RAET1G: variants seen among roughly 807,000 people sequenced by gnomAD.
RAET1G encodes the protein retinoic acid early transcript 1G.
In RAET1G, 25 loss-of-function variants were observed where a neutral mutation model predicts 29.5. The ratio of observed to expected loss-of-function variants is 0.85; its 90% CI spans 0.62 to 1.18. The LOEUF (loss-of-function observed/expected upper bound fraction) is 1.18. Among genes scored for constraint, RAET1G ranks in the 50% most tolerant of loss-of-function variants. The pLI is 0.00. For missense variants in RAET1G, 434 were observed against 423.6 expected, an observed-to-expected ratio of 1.02 and a Z score of -0.22; for synonymous variants, 167 against 159.5, an observed-to-expected ratio of 1.05 and a Z score of -0.36.
chr6:149,918,384 G>A lies in RAET1G; in HGVS notation c.632C>T (p.Ala211Val). ...MDSTLEPSAG[A>V]PPTMSSGTAQ... ...TGTGCCTGAGGACATGGTGGGTGGT[G>A]CTGAAATGGAAGCACAAGAGTGACA... The change falls in exon 4 of 5, where the codon GCA becomes GTA. Residue 211 changes from alanine (A) to valine (V), a missense_variant and splice_region_variant. By Grantham distance (64) the Ala-to-Val change is moderately conservative (BLOSUM62 0). Transcript: ENST00000367360. 6.2e-7 allele frequency: 1 copy of A among 1,614,052 alleles called. No homozygotes were observed. The highest frequency in any genetic ancestry group is 1.3e-5 in the African/African-American group (1 of 75,044).
chr6:149,919,520 G>T (rs1562479626), intron 2 of RAET1G, 33 bp downstream of exon 2: 7 of 1,613,950 alleles, frequency 4.3e-6, no homozygotes, highest in East Asian at 4.5e-5. Context: ...CACTGTATCT[G>T]CTCCCTGCTG....
At chr6:149,920,319 CTA>C (rs1778570141) in intron 1 of RAET1G, among the ~76,000 whole-genome samples, 1 of 152,172 alleles carries the variant, frequency 6.6e-6, no homozygotes, top group Non-Finnish European at 1.5e-5. Flanking sequence ...TGGTGCTCAT[CTA>C]CTATGAGGAT....
At chr6:149,919,840 G>C (rs769017392) in intron 1 of RAET1G, 24 bp from the exon 2 acceptor site, 1 of 1,612,074 alleles carries the variant, frequency 6.2e-7, no homozygotes, top group Admixed American at 1.7e-5. Flanking sequence ...CAGGTGAGGG[G>C]TGGGTGGGGA....
Position 149,916,933 on chromosome 6 carries a change from T to A in RAET1G, c.984A>T (p.Pro328=). 2.6e-6 allele frequency: 4 copies of A among 1,544,466 alleles called. No homozygotes were observed. The highest frequency in any genetic ancestry group is 3.5e-6 in the Non-Finnish European group (4 of 1,143,470). ...INNGAARYSE[P]LQVSIS ...ACCATCAAGATATGGAGACCTGTAG[T>A]GGCTCCGAATACCTGGCTGCGCCGT... The change falls in exon 5 of 5, where the codon CCA becomes CCT. Residue 328 remains proline (P), a synonymous_variant. Coordinates refer to ENST00000367360, the MANE Select transcript of RAET1G (RefSeq NM_001001788.4).
In RAET1G at chr6:149,916,929, G is replaced by C. The variant is rs1295924126; in HGVS notation, c.988C>G (p.Gln330Glu). Residue 330 changes from glutamine to glutamate, a missense_variant, in exon 5 of 5, where the codon CAG (glutamine) becomes GAG (glutamate). Coordinates refer to ENST00000367360, the MANE Select transcript of RAET1G (RefSeq NM_001001788.4). ...GGGAACCATCAAGATATGGAGACCT[G>C]TAGTGGCTCCGAATACCTGGCTGCG... ...NGAARYSEPL[Q>E]VSIS 5.2e-6 allele frequency: 8 copies of C among 1,544,520 alleles called. No individual in the cohort carries two copies. Among genetic ancestry groups the C allele is most frequent in the Non-Finnish European group, 6.1e-6 (7 of 1,143,536 alleles).
chr6:149,917,234 G>C (rs1003085710), intron 4 of RAET1G, among the ~76,000 whole-genome samples, 160 bp from the exon 5 acceptor site: 8 of 152,270 alleles, frequency 5.3e-5, no homozygotes, highest in African/African-American at 1.7e-4. Context: ...CTGAAGCACA[G>C]CATCACAGGG....
intron 1 of RAET1G, among the ~76,000 whole-genome samples, chr6:149,922,306 C>G (rs1051165052): frequency 6.6e-6 from 1 of 152,062 alleles, no homozygotes; most frequent in Admixed American, 6.5e-5. Flanking sequence ...ATGGGGAGAC[C>G]TCTGGGGTGA....
In RAET1G at chr6:149,918,366, G is replaced by A. The variant is rs779233402; in HGVS notation, c.650C>T (p.Ser217Leu). ...CGTGGCCCTGGGTTGGGCTGTGCCT[G>A]AGGACATGGTGGGTGGTGCTGAAAT... ...PSAGAPPTMS[S>L]GTAQPRATAT... Residue 217 changes from serine to leucine, a missense_variant, in exon 4 of 5, where the codon TCA becomes TTA. Ser to Leu is a moderately radical substitution (Grantham distance 145). Transcript: ENST00000367360. 2 of 1,614,042 alleles carry A rather than the reference G, an allele frequency of 1.2e-6. No homozygotes were observed. Among genetic ancestry groups the A allele is most frequent in the Non-Finnish European group, 1.7e-6 (2 of 1,179,998 alleles).
intron 1 of RAET1G, among the ~76,000 whole-genome samples, chr6:149,920,326 G>GGTTTC (rs1778570752): frequency 6.6e-6 from 1 of 152,198 alleles, no homozygotes; most frequent in Non-Finnish European, 1.5e-5. Context: ...CATCTACTAT[G>GGTTTC]AGGATGCCTT....
chr6:149,919,068 G>A lies in RAET1G; in HGVS notation c.606C>T (p.Asp202=). ...GWLEDFLMGM[D]STLEPSAGAP... Reference sequence around the variant, plus strand: ...CTCCTGCACTTGGCTCCAGGGTGCTGTCCATGCCCATCAAGAAGTCCTCAA... The same window carrying A: ...CTCCTGCACTTGGCTCCAGGGTGCTATCCATGCCCATCAAGAAGTCCTCAA... Residue 202 remains aspartate (D), a synonymous_variant, in exon 3 of 5, where the codon GAC becomes GAT. Transcript: ENST00000367360. The A allele has an allele frequency of 6.2e-7, 1 of 1,614,154 alleles. No homozygotes were observed. Among genetic ancestry groups the A allele is most frequent in the South Asian group, 1.1e-5 (1 of 91,076 alleles).
At chr6:149,918,693 G>C (rs1473201974) in intron 3 of RAET1G, 2 of 598,246 alleles carry the variant, frequency 3.3e-6, no homozygotes, top group Admixed American at 3.0e-5. Context: ...AGGAGGTTTT[G>C]ATGGATTTCC....
intron 3 of RAET1G, 154 bp downstream of exon 3, chr6:149,918,889 G>T (rs1582798736): frequency 6.6e-6 from 8 of 1,205,218 alleles, no homozygotes; most frequent in Middle Eastern, 2.1e-4. Flanking sequence ...GAGAGCACAG[G>T]CACGCCAGCA....
chr6:149,919,754 A>C lies in RAET1G; in HGVS notation c.148T>G (p.Cys50Gly). 1 of 1,612,736 alleles carries C rather than the reference A, an allele frequency of 6.2e-7. No individual in the cohort carries two copies. Among genetic ancestry groups the C allele is most frequent in the Non-Finnish European group, 8.5e-7 (1 of 1,179,866 alleles). Residue 50 changes from cysteine to glycine, a missense_variant, in exon 2 of 5, where the codon TGT becomes GGT. Transcript: ENST00000367360. ...TCATCCACCTGGCCTTGAACCGCAC[A>C]CCACCGTGGTCCAGGTCTGAACTTA... Reference protein sequence around the residue: ...IPKFRPGPRWCAVQGQVDEKT... With the variant: ...IPKFRPGPRWGAVQGQVDEKT...
chr6:149,919,485 A>C (rs1778542945), intron 2 of RAET1G, 68 bp downstream of exon 2: 1 of 1,613,290 alleles, frequency 6.2e-7, no homozygotes, highest in South Asian at 1.1e-5. Context: ...TTTTTACATG[A>C]AAACTATAAA....
rs372445866 is a variant in RAET1G at position 149,919,760 on chromosome 6, G to A, written c.142C>T (p.Arg48Trp). ...ACCTGGCCTTGAACCGCACACCACC[G>A]TGGTCCAGGTCTGAACTTAGGGATG... ...TVIPKFRPGP[R>W]WCAVQGQVDE... The change falls in exon 2 of 5, where the codon CGG becomes TGG. Residue 48 changes from arginine (R) to tryptophan (W), a missense_variant. Arg to Trp is a moderately radical substitution (Grantham distance 101). Transcript: ENST00000367360. 67 of 1,612,456 alleles carry A rather than the reference G, an allele frequency of 4.2e-5. No homozygotes were observed. The highest frequency in any genetic ancestry group is 5.3e-5 in the African/African-American group (4 of 74,878).
chr6:149,917,195 G>T, intron 4 of RAET1G, 121 bp from the exon 5 acceptor site: 1 of 1,328,620 alleles, frequency 7.5e-7, no homozygotes, highest in Non-Finnish European at 9.8e-7. Flanking sequence ...GTACAGGGCG[G>T]AACATGAAAG....
Position 149,919,648 on chromosome 6 carries a change from G to T in RAET1G, c.254C>A (p.Thr85Lys), listed in dbSNP as rs749168152. Residue 85 changes from threonine to lysine, a missense_variant, in exon 2 of 5, where the codon ACG becomes AAG. Thr to Lys is a moderately conservative substitution (Grantham distance 78). Transcript: ENST00000367360. Reference sequence around the variant, plus strand: ...TACTGGGTTCTGTGCTTTCCAGGCCGTTGTGACATTTAGTTTCTTCCCCAG... The same window carrying T: ...TACTGGGTTCTGTGCTTTCCAGGCCTTTGTGACATTTAGTTTCTTCCCCAG... ...SPLGKKLNVT[T>K]AWKAQNPVLR... 3.7e-6 allele frequency: 6 copies of T among 1,613,850 alleles called. No individual in the cohort carries two copies. Among genetic ancestry groups the T allele is most frequent in the Non-Finnish European group, 3.4e-6 (4 of 1,179,882 alleles).
At position 149,918,322 on chromosome 6, in the gene RAET1G, A is replaced by T; in HGVS notation, c.694T>A (p.Cys232Ser). The change falls in exon 4 of 5, where the codon TGC becomes AGC. Residue 232 changes from cysteine to serine, a missense_variant. Coordinates refer to ENST00000367360, the MANE Select transcript of RAET1G (RefSeq NM_001001788.4). The stretch of plus-strand genomic sequence containing the variant: ...AGGAGACACATGATGAGGAGGCAGC[A>T]AAGGATGAGGGTGGTGGCCGTGGCC... Reference protein sequence around the residue: ...PRATATTLILCCLLIMCLLIC... With the variant: ...PRATATTLILSCLLIMCLLIC... 1 of 1,613,628 alleles carries T rather than the reference A, an allele frequency of 6.2e-7. No homozygotes were observed. The highest frequency in any genetic ancestry group is 8.5e-7 in the Non-Finnish European group (1 of 1,179,646).
At chr6:149,917,446 C>A (rs1778471702) in intron 4 of RAET1G, among the ~76,000 whole-genome samples, 1 of 152,232 alleles carries the variant, frequency 6.6e-6, no homozygotes, top group Non-Finnish European at 1.5e-5. Flanking sequence ...CTGGGCATGA[C>A]AGAGGGCTCA....
Sources: gnomAD v4.1 joint callset for allele counts (sites outside exome capture counted in the v4.1 genomes callset) on GRCh38, gnomAD v4.1.1 for gene constraint, MANE v1.5 for transcripts, NCBI Gene and HGNC (gene_info 2026-07-23, HGNC 2026-07-21) for gene names.